HOMER1: variants seen among roughly 807,000 people sequenced by gnomAD.
HOMER1 encodes the protein homer scaffold protein 1.
In HOMER1, 3 loss-of-function variants were observed where a neutral mutation model predicts 48.9. The observed-to-expected ratio is 0.06, with a 90% CI of 0.03 to 0.16. HOMER1 has a LOEUF of 0.16. Ranked by LOEUF, HOMER1 falls within the 10% of genes least tolerant of loss-of-function variation. HOMER1 has a pLI of 1.00. For synonymous variants in HOMER1, 134 were observed against 146.4 expected (o/e 0.92, Z 0.61); for missense variants, 247 against 411.4 (o/e 0.60, Z 3.46).
intron 1 of HOMER1, among the ~76,000 whole-genome samples, chr5:79,492,117 A>C (rs752846353): frequency 6.6e-6 from 1 of 152,246 alleles, no homozygotes; most frequent in African/African-American, 2.4e-5. Context: ...ATAGAGCTTG[A>C]TAATGAAGTT....
intron 2 of HOMER1, 50 bp downstream of exon 2, chr5:79,456,812 T>C (rs778108894): frequency 1.3e-6 from 2 of 1,545,322 alleles, no homozygotes; most frequent in Admixed American, 1.7e-5. Context: ...TAAAATGTCA[T>C]ACTGAAAAAA....
intron 5 of HOMER1, among the ~76,000 whole-genome samples, chr5:79,405,516 C>T (rs1749640786): frequency 6.6e-6 from 1 of 152,200 alleles, no homozygotes; most frequent in Admixed American, 6.5e-5. Flanking sequence ...ATGAGCTCTT[C>T]TTCTCAATCA....
chr5:79,452,374 C>T (rs1239729371), intron 2 of HOMER1, among the ~76,000 whole-genome samples: 2 of 152,162 alleles, frequency 1.3e-5, no homozygotes, highest in Non-Finnish European at 2.9e-5. Context: ...AAAATATTAA[C>T]TCATTCTCTC....
At chr5:79,508,851 T>G (rs539684337) in intron 1 of HOMER1, among the ~76,000 whole-genome samples, 2 of 152,282 alleles carry the variant, frequency 1.3e-5, no homozygotes, top group Admixed American at 1.3e-4. Context: ...AAGTATAAAC[T>G]CACTAAGGGA....
intron 5 of HOMER1, among the ~76,000 whole-genome samples, chr5:79,415,437 A>G (rs1022031080): frequency 6.6e-6 from 1 of 152,210 alleles, no homozygotes; most frequent in African/African-American, 2.4e-5. Context: ...CATAAATTGT[A>G]GTCATAAAGT....
intron 4 of HOMER1, among the ~76,000 whole-genome samples, chr5:79,446,398 T>C (rs1345328515): frequency 6.6e-6 from 1 of 152,228 alleles, no homozygotes; most frequent in Non-Finnish European, 1.5e-5. Flanking sequence ...ACCTTAAGAC[T>C]TTCCCTGTTT....
At chr5:79,494,095 A>T (rs763145458) in intron 1 of HOMER1, among the ~76,000 whole-genome samples, 2 of 152,140 alleles carry the variant, frequency 1.3e-5, no homozygotes, top group Non-Finnish European at 2.9e-5. Flanking sequence ...GGCTCTTGTG[A>T]CACTATTCTC....
At chr5:79,399,866 AT>A (rs1749487888) in intron 6 of HOMER1, among the ~76,000 whole-genome samples, 1 of 152,218 alleles carries the variant, frequency 6.6e-6, no homozygotes, top group Non-Finnish European at 1.5e-5. Flanking sequence ...CAAGGAGGTT[AT>A]TCAGGCTGAA....
At position 79,416,721 on chromosome 5, in the gene HOMER1, T is replaced by A. The variant is rs372799034; in HGVS notation, c.528-14666A>T. 1.1e-4 allele frequency among the ~76,000 whole-genome samples: 17 copies of A among 152,236 alleles called. No individual in the cohort carries two copies. The East Asian group carries it at 1.7e-3, about 16-fold the overall frequency. ...TGGCTGAGGAATGGAAATACAAGGG[T>A]GAAGAGCCACAGGAGGTCCCAGTTT... On this transcript the variant is annotated intron_variant, in intron 5 of 8. Coordinates refer to ENST00000334082, the MANE Select transcript of HOMER1 (RefSeq NM_004272.5).
intron 5 of HOMER1, among the ~76,000 whole-genome samples, chr5:79,431,437 T>C (rs1245730740): frequency 6.6e-6 from 1 of 152,106 alleles, no homozygotes; most frequent in Non-Finnish European, 1.5e-5. Context: ...GAAAGTTGAT[T>C]AGTGGTTGCC....
At chr5:79,448,012 C>A (rs1750929811) in intron 3 of HOMER1, among the ~76,000 whole-genome samples, 1 of 152,172 alleles carries the variant, frequency 6.6e-6, no homozygotes, top group Admixed American at 6.5e-5. Context: ...ACTCTGATTT[C>A]ATTTCCATCT....
chr5:79,423,373 A>G (rs916660207), intron 5 of HOMER1, among the ~76,000 whole-genome samples: 2 of 152,166 alleles, frequency 1.3e-5, no homozygotes, highest in African/African-American at 2.4e-5. Context: ...CCATTATAAT[A>G]ATCTATTTCA....
chr5:79,501,737 G>C (rs1171148069), intron 1 of HOMER1, among the ~76,000 whole-genome samples: 1 of 152,134 alleles, frequency 6.6e-6, no homozygotes, highest in Non-Finnish European at 1.5e-5. Context: ...CAAGGAGCTG[G>C]GGGAATCCAG....
chr5:79,485,466 G>A (rs993967015), intron 1 of HOMER1, among the ~76,000 whole-genome samples: 25 of 152,144 alleles, frequency 1.6e-4, no homozygotes, highest in African/African-American at 6.0e-4. Context: ...GACTCCTGGT[G>A]TTTCTGTGTA....
chr5:79,490,969 G>C (rs1752255693), intron 1 of HOMER1, among the ~76,000 whole-genome samples: 1 of 146,940 alleles, frequency 6.8e-6, no homozygotes, highest in African/African-American at 2.5e-5. Context: ...AAGTTTCTTG[G>C]AAATATAATA....
At chr5:79,442,771 G>A (rs1387711150) in intron 4 of HOMER1, among the ~76,000 whole-genome samples, 1 of 152,186 alleles carries the variant, frequency 6.6e-6, no homozygotes, top group Non-Finnish European at 1.5e-5. Flanking sequence ...CTGGGGAGGA[G>A]CTAATAGTCT....
chr5:79,457,534 G>A (rs1441646793), intron 1 of HOMER1, among the ~76,000 whole-genome samples: 1 of 152,228 alleles, frequency 6.6e-6, no homozygotes, highest in African/African-American at 2.4e-5. Flanking sequence ...CCAGATGCTA[G>A]CTGTTCCTAG....
chr5:79,399,371 A>G (rs77419150), intron 6 of HOMER1, among the ~76,000 whole-genome samples: 3,641 of 152,296 alleles, frequency 0.024, 147 homozygotes, highest in African/African-American at 0.082. Context: ...TGGCACAACT[A>G]GGAGTAGGAA....
At position 79,504,151 on chromosome 5, in the gene HOMER1, G is replaced by C. The variant is rs556702123; in HGVS notation, c.5+8619C>G. The stretch of plus-strand genomic sequence containing the variant: ...GGAAAACAGCAGCCTGCGAGATCTA[G>C]AATTTTTTTTTTTAAATCAACAGAA... On this transcript the variant is annotated intron_variant, in intron 1 of 8. Coordinates refer to ENST00000334082, the MANE Select transcript of HOMER1 (RefSeq NM_004272.5). 5.9e-5 allele frequency among the ~76,000 whole-genome samples: 9 copies of C among 152,106 alleles called. No individual in the cohort carries two copies. In the East Asian group the frequency reaches 1.2e-3, roughly 20 times the overall value.
Sources: gnomAD v4.1 joint callset for allele counts (sites outside exome capture counted in the v4.1 genomes callset) on GRCh38, gnomAD v4.1.1 for gene constraint, MANE v1.5 for transcripts, NCBI Gene and HGNC (gene_info 2026-07-23, HGNC 2026-07-21) for gene names.